L3MBTL4: variants seen among roughly 807,000 people sequenced by gnomAD.
L3MBTL4 encodes L3MBTL histone methyl-lysine binding protein 4, also known as lethal(3)malignant brain tumor-like protein 4.
In L3MBTL4, 70 loss-of-function variants were observed where a neutral mutation model predicts 84.5. The observed-to-expected ratio is 0.83, with a 90% CI of 0.68 to 1.01. The LOEUF (loss-of-function observed/expected upper bound fraction) is 1.01, where lower values mean the gene tolerates loss of function less well. Among genes scored for constraint, L3MBTL4 ranks in the 50% least tolerant of loss-of-function variants. The pLI is 0.00. For synonymous variants in L3MBTL4, 274 were observed against 259.8 expected, an observed-to-expected ratio of 1.05 and a Z score of -0.52; for missense variants, 715 against 754.8, an observed-to-expected ratio of 0.95 and a Z score of 0.62.
chr18:6,227,952 C>T (rs925103811), intron 10 of L3MBTL4, among the ~76,000 whole-genome samples: 6 of 152,158 alleles, frequency 3.9e-5, no homozygotes, highest in African/African-American at 1.4e-4. Context: ...TAAGCATGAG[C>T]CATCATGCCA....
chr18:6,179,058 T>C (rs930452677), intron 12 of L3MBTL4, among the ~76,000 whole-genome samples: 1 of 152,230 alleles, frequency 6.6e-6, no homozygotes, highest in Non-Finnish European at 1.5e-5. Flanking sequence ...GACGAGGAAG[T>C]TATTATAATA....
chr18:6,005,108 C>T (rs2054412146), intron 16 of L3MBTL4, among the ~76,000 whole-genome samples: 1 of 133,554 alleles, frequency 7.5e-6, no homozygotes, highest in African/African-American at 2.8e-5. Flanking sequence ...CTTTGGAAGG[C>T]TGAGGTGGGT....
chr18:6,004,997 ATTT>A (rs60294342), intron 16 of L3MBTL4, among the ~76,000 whole-genome samples: 26 of 52,152 alleles, frequency 5.0e-4, no homozygotes, highest in African/African-American at 1.7e-3. Flanking sequence ...TAAGATGATA[ATTT>A]TTTTTTTTTT....
intron 16 of L3MBTL4, among the ~76,000 whole-genome samples, chr18:6,073,161 CAGAG>C (rs371806337): frequency 6.7e-6 from 1 of 148,476 alleles, no homozygotes; most frequent in Non-Finnish European, 1.5e-5. Flanking sequence ...GAGGCAAAAA[CAGAG>C]AGAGAGAGAG....
intron 13 of L3MBTL4, among the ~76,000 whole-genome samples, chr18:6,155,332 A>G (rs538422098): frequency 1.3e-5 from 2 of 152,326 alleles, no homozygotes; most frequent in South Asian, 4.1e-4. Context: ...GTAGCAGAAG[A>G]CTGCACTGCC....
intron 16 of L3MBTL4, among the ~76,000 whole-genome samples, chr18:5,995,902 A>G (rs1487006202): frequency 1.3e-5 from 2 of 152,136 alleles, no homozygotes; most frequent in Non-Finnish European, 2.9e-5. Context: ...TGTTATTTTG[A>G]GTTTTCAATT....
intron 16 of L3MBTL4, among the ~76,000 whole-genome samples, chr18:6,020,616 C>G (rs753310464): frequency 1.3e-5 from 2 of 152,154 alleles, no homozygotes; most frequent in South Asian, 2.1e-4. Context: ...GGAGACTCTT[C>G]GGGCCTGCAC....
chr18:5,998,007 TTAAAA>T (rs1365174843), intron 16 of L3MBTL4, among the ~76,000 whole-genome samples: 2 of 152,138 alleles, frequency 1.3e-5, no homozygotes, highest in African/African-American at 4.8e-5. Context: ...TTTCCAAAAG[TTAAAA>T]TAAAGAATTT....
chr18:6,401,421 T>C (rs544935415), intron 1 of L3MBTL4, among the ~76,000 whole-genome samples: 6 of 152,308 alleles, frequency 3.9e-5, no homozygotes, highest in African/African-American at 1.2e-4. Context: ...CCTTACAGCA[T>C]ATTCACACTG....
intron 4 of L3MBTL4, among the ~76,000 whole-genome samples, chr18:6,290,756 G>C (rs2049826961): frequency 6.6e-6 from 1 of 151,912 alleles, no homozygotes; most frequent in African/African-American, 2.4e-5. Context: ...TCGAACTCCT[G>C]ACCTCAGGTG....
intron 4 of L3MBTL4, among the ~76,000 whole-genome samples, chr18:6,276,683 C>A (rs986571054): frequency 3.4e-5 from 5 of 148,276 alleles, no homozygotes; most frequent in African/African-American, 1.0e-4. Context: ...CTACCTGTAT[C>A]CATCATAAAT....
chr18:6,379,094 G>T (rs1006310786), intron 1 of L3MBTL4, among the ~76,000 whole-genome samples: 6 of 152,144 alleles, frequency 3.9e-5, no homozygotes, highest in African/African-American at 1.4e-4. Context: ...GTGAATAAGA[G>T]TTCACTCATG....
At position 5,956,539 on chromosome 18, in the gene L3MBTL4, C is replaced by T. The variant is rs964143206; in HGVS notation, c.1678-152G>A. The T allele has an allele frequency of 4.7e-5, 30 of 643,014 alleles. No individual in the cohort carries two copies. The African/African-American group carries it at 4.9e-4, about 11-fold the overall frequency. 39.8% of individuals were successfully genotyped at this position (643,014 alleles called of 1,614,324 possible). ...AGAGAGAATGACGGTAGCTCTCACT[C>T]GGCTTAGTTACAACCATTGCTCCAC... On this transcript the variant is annotated intron_variant, in intron 18 of 18. Transcript: ENST00000317931.
intron 1 of L3MBTL4, chr18:6,395,748 T>A (rs951945456): frequency 6.6e-6 from 1 of 152,184 alleles, no homozygotes; most frequent in Non-Finnish European, 1.5e-5. Context: ...GCTAAATACA[T>A]TACCATATTA....
intron 16 of L3MBTL4, among the ~76,000 whole-genome samples, chr18:6,063,349 T>C (rs928248686): frequency 7.0e-6 from 1 of 142,118 alleles, no homozygotes; most frequent in African/African-American, 2.8e-5. Flanking sequence ...ATCTTTTTAA[T>C]ATAATGACTT....
intron 1 of L3MBTL4, among the ~76,000 whole-genome samples, chr18:6,406,569 AC>A (rs1010443099): frequency 1.3e-5 from 2 of 152,032 alleles, no homozygotes; most frequent in Non-Finnish European, 2.9e-5. Context: ...TTACCCCTCC[AC>A]CCCTCCCCAG....
intron 16 of L3MBTL4, among the ~76,000 whole-genome samples, chr18:6,001,529 A>T (rs1486810527): frequency 2.0e-5 from 3 of 152,192 alleles, no homozygotes; most frequent in African/African-American, 7.2e-5. Context: ...GAATCTGATT[A>T]ATAGAGATAC....
At chr18:6,050,904 A>G (rs1294517892) in intron 16 of L3MBTL4, among the ~76,000 whole-genome samples, 1 of 152,100 alleles carries the variant, frequency 6.6e-6, no homozygotes, top group Non-Finnish European at 1.5e-5. Flanking sequence ...TGGACATGTG[A>G]TATCAACACA....
At chr18:6,151,788 C>T (rs910921060) in intron 13 of L3MBTL4, among the ~76,000 whole-genome samples, 6 of 152,174 alleles carry the variant, frequency 3.9e-5, no homozygotes, top group African/African-American at 1.4e-4. Flanking sequence ...ATGATTACCA[C>T]AATCAAATTA....
Sources: allele counts gnomAD v4.1 joint callset (sites outside exome capture counted in the v4.1 genomes callset), GRCh38; gene constraint gnomAD v4.1.1; transcripts MANE v1.5; gene names NCBI Gene and HGNC (gene_info 2026-07-23, HGNC 2026-07-21).